POLR3B: variants seen among roughly 807,000 people sequenced by gnomAD.
POLR3B encodes RNA polymerase III subunit B.
POLR3B carries 96 observed loss-of-function variants against 147.4 expected under a neutral mutation model. The observed-to-expected ratio is 0.65, with a 90% CI of 0.55 to 0.77. POLR3B has a LOEUF of 0.77. Ranked by LOEUF, POLR3B falls within the 30% of genes least tolerant of loss-of-function variation. The pLI, the probability that POLR3B is intolerant of heterozygous loss-of-function variation, is 0.00. For synonymous variants in POLR3B, 461 were observed against 485.9 expected (o/e 0.95, Z 0.67); for missense variants, 1,036 against 1,413.5 (o/e 0.73, Z 4.28).
At chr12:106,401,612 C>T (rs1278816026) in intron 10 of POLR3B, among the ~76,000 whole-genome samples, 1 of 152,200 alleles carries the variant, frequency 6.6e-6, no homozygotes, top group Non-Finnish European at 1.5e-5. Flanking sequence ...AGCTTATCCA[C>T]CATGATCAAG....
intron 2 of POLR3B, among the ~76,000 whole-genome samples, chr12:106,364,902 G>A (rs948797358): frequency 1.3e-5 from 2 of 152,122 alleles, no homozygotes; most frequent in African/African-American, 4.8e-5. Context: ...TGGGGAGGCT[G>A]AGGTGGGCGG....
intron 12 of POLR3B, among the ~76,000 whole-genome samples, chr12:106,415,215 A>C (rs1421132893): frequency 6.6e-6 from 1 of 152,204 alleles, no homozygotes; most frequent in African/African-American, 2.4e-5. Flanking sequence ...AATTATTTCA[A>C]CACACAAATA....
intron 14 of POLR3B, among the ~76,000 whole-genome samples, chr12:106,431,195 G>A (rs750371095): frequency 9.2e-5 from 14 of 152,136 alleles, no homozygotes; most frequent in Admixed American, 2.0e-4. Context: ...CCAAAGTGTA[G>A]GAATTTATTA....
At chr12:106,360,331 G>T (rs1592996556) in intron 1 of POLR3B, among the ~76,000 whole-genome samples, 1 of 152,182 alleles carries the variant, frequency 6.6e-6, no homozygotes, top group Non-Finnish European at 1.5e-5. Flanking sequence ...TCTGACCAGT[G>T]CTTACTTCTC....
intron 10 of POLR3B, 138 bp downstream of exon 10, chr12:106,393,291 G>A (rs1465333442): frequency 1.5e-6 from 2 of 1,295,658 alleles, no homozygotes; most frequent in African/African-American, 1.5e-5. Flanking sequence ...GAGGAGTGAA[G>A]TTTCTTTAAC....
intron 23 of POLR3B, among the ~76,000 whole-genome samples, chr12:106,489,358 A>T (rs1468669696): frequency 7.9e-5 from 12 of 152,236 alleles, no homozygotes; most frequent in Admixed American, 7.2e-4. Flanking sequence ...TCTGTGGTTG[A>T]TAAGGATTAT....
At chr12:106,371,465 T>C (rs1212860717) in intron 6 of POLR3B, among the ~76,000 whole-genome samples, 1 of 152,000 alleles carries the variant, frequency 6.6e-6, no homozygotes, top group Non-Finnish European at 1.5e-5. Context: ...CTATAAATCA[T>C]GCTGCTATAA....
At chr12:106,459,514 T>C in intron 22 of POLR3B, 146 bp downstream of exon 22, 1 of 688,510 alleles carries the variant, frequency 1.5e-6, no homozygotes, top group Non-Finnish European at 2.7e-6. Flanking sequence ...AAGCATGGCA[T>C]AGAAGATAAA....
rs1455236133 is a variant in POLR3B, at chr12:106,366,651, A to G, written c.163-7A>G. 2 of 1,611,126 alleles carry G rather than the reference A, an allele frequency of 1.2e-6. No homozygotes were observed. Among genetic ancestry groups the G allele is most frequent in the Admixed American group, 1.7e-5 (1 of 60,020 alleles). On this transcript the variant is annotated splice_polypyrimidine_tract_variant and splice_region_variant and intron_variant, in intron 3 of 27. Transcript: ENST00000228347. ...AGTCTTTGCTAATGTTGCATTTTCC[A>G]CTGCAGATAAAGAAGATAATGAAAG...
intron 26 of POLR3B, among the ~76,000 whole-genome samples, chr12:106,503,021 T>A (rs2038626438): frequency 6.6e-6 from 1 of 152,236 alleles, no homozygotes; most frequent in African/African-American, 2.4e-5. Flanking sequence ...ATCCAAGTAT[T>A]GGATTCTGTC....
At chr12:106,454,234 T>A (rs1210328423) in intron 19 of POLR3B, among the ~76,000 whole-genome samples, 1 of 152,180 alleles carries the variant, frequency 6.6e-6, no homozygotes, top group Non-Finnish European at 1.5e-5. Context: ...ATCCCTCAAA[T>A]GGGATAATGT....
At chr12:106,426,169 G>A (rs1329563311) in intron 12 of POLR3B, among the ~76,000 whole-genome samples, 1 of 151,556 alleles carries the variant, frequency 6.6e-6, no homozygotes, top group Non-Finnish European at 1.5e-5. Flanking sequence ...TCATACTCGT[G>A]GGCACTACCT....
intron 9 of POLR3B, among the ~76,000 whole-genome samples, chr12:106,388,518 A>G (rs1326636820): frequency 2.6e-5 from 4 of 152,202 alleles, no homozygotes; most frequent in Admixed American, 6.5e-5. Context: ...GGGTTTCTCC[A>G]TGTTGGCCAG....
intron 18 of POLR3B, 55 bp downstream of exon 18, chr12:106,437,834 C>T (rs1183603711): frequency 5.2e-6 from 5 of 954,156 alleles, no homozygotes; most frequent in Non-Finnish European, 8.5e-6. Flanking sequence ...ATAGAAACTA[C>T]CTTCTCTTTT....
At chr12:106,485,184 TG>T (rs1049700585) in intron 23 of POLR3B, among the ~76,000 whole-genome samples, 3 of 152,146 alleles carry the variant, frequency 2.0e-5, no homozygotes, top group Non-Finnish European at 4.4e-5. Flanking sequence ...GATCATCCCG[TG>T]GCAGACAGGC....
Position 106,496,106 on chromosome 12 carries a change from G to A in POLR3B, c.2765G>A (p.Gly922Asp). ...GAAGACATGCCATTTTGTGATTCTG[G>A]CATCTGTCCGGACATCATCATGAAC... ...PQEDMPFCDS[G>D]ICPDIIMNPH... is the part of the protein sequence containing the mutation. Residue 922 changes from glycine (G) to aspartate (D), a missense_variant, in exon 24 of 28, where the codon GGC (glycine) becomes GAC (aspartate). Gly to Asp is a moderately conservative substitution (Grantham distance 94). Around this residue, in one of 12 missense-constraint regions of POLR3B, gnomAD observed 15 missense variants for 38.1 expected, o/e 0.39. Transcript: ENST00000228347. 1 of 1,613,292 alleles carries A rather than the reference G, an allele frequency of 6.2e-7. No homozygotes were observed. The highest frequency in any genetic ancestry group is 8.5e-7 in the Non-Finnish European group (1 of 1,179,262).
rs1177901194 is a variant in POLR3B, at chr12:106,381,111, G to A, written c.723+972G>A. Among the ~76,000 whole-genome samples, 3 of 152,338 alleles carry A rather than the reference G, an allele frequency of 2.0e-5. No individual in the cohort carries two copies. In the East Asian group the frequency reaches 5.8e-4, roughly 29 times the overall value. ...GTGAGTTATAGTCTTTTTACTGGTA[G>A]AGGGTCTTACCTCAGTGTTGGTGGC... On this transcript the variant is annotated intron_variant, in intron 9 of 27. Coordinates refer to ENST00000228347, the MANE Select transcript of POLR3B (RefSeq NM_018082.6).
intron 9 of POLR3B, among the ~76,000 whole-genome samples, chr12:106,381,270 T>C (rs1258900434): frequency 6.6e-6 from 1 of 152,224 alleles, no homozygotes; most frequent in African/African-American, 2.4e-5. Context: ...TGTTGTTTGA[T>C]AGCATTTTAC....
At chr12:106,499,885 G>A (rs1355998773) in intron 25 of POLR3B, among the ~76,000 whole-genome samples, 1 of 152,186 alleles carries the variant, frequency 6.6e-6, no homozygotes, top group African/African-American at 2.4e-5. Context: ...CTGAGAGTGT[G>A]ATCAGGGACA....
Sources: allele counts gnomAD v4.1 joint callset (sites outside exome capture counted in the v4.1 genomes callset), GRCh38; gene constraint gnomAD v4.1.1; regional missense constraint gnomAD v4.1.1; transcripts MANE v1.5; gene names NCBI Gene and HGNC (gene_info 2026-07-23, HGNC 2026-07-21).